Variants in REPS2 observed in about 807,000 individuals in gnomAD.
The protein encoded by REPS2 is RALBP1 associated Eps domain containing 2.
REPS2 carries 23 observed loss-of-function variants against 53.6 expected under a neutral mutation model. The observed-to-expected ratio is 0.43, with a 90% CI of 0.31 to 0.61. REPS2 has a LOEUF of 0.61. Ranked by LOEUF, REPS2 falls within the 20% of genes least tolerant of loss-of-function variation. The pLI is 0.11. For missense variants in REPS2, 446 were observed against 534.9 expected (o/e 0.83, Z 1.64); for synonymous variants, 238 against 218.6 (o/e 1.09, Z -0.78).
At position 17,062,463 on chromosome X, in the gene REPS2, T is replaced by C; in HGVS notation, c.1140T>C (p.Cys380=). The change falls in exon 9 of 18, where the codon TGT becomes TGC. Residue 380 remains cysteine (C), a synonymous_variant. Transcript: ENST00000357277. ...CTTTTCCTAAGCCCAAATGGGACTG[T>C]CAATTATTTGATTCTTATTCTGAGT... ...QAAFPKPKWD[C]QLFDSYSESL... The C allele has an allele frequency of 1.7e-6, 2 of 1,204,014 alleles. No individual in the cohort carries two copies. The highest frequency in any genetic ancestry group is 3.0e-5 in the East Asian group (1 of 33,660).
intron 9 of REPS2, among the ~76,000 whole-genome samples, chrX:17,063,592 A>G (rs766503298): frequency 1.1e-4 from 12 of 112,308 alleles, no homozygotes; most frequent in African/African-American, 3.9e-4. Context: ...CTCATGGGAA[A>G]AAGACATAAA....
chrX:17,099,810 T>C (rs2062760683), intron 13 of REPS2: 1 of 567,865 alleles, frequency 1.8e-6, no homozygotes, highest in African/African-American at 2.2e-5. Flanking sequence ...GGGGTAGGAA[T>C]GCCACGTCAG....
At chrX:16,999,368 A>ATTTTTTTTT (rs1162932789) in intron 1 of REPS2, among the ~76,000 whole-genome samples, 1 of 62,745 alleles carries the variant, frequency 1.6e-5, no homozygotes, top group Non-Finnish European at 3.0e-5. Flanking sequence ...GATGTTCCTG[A>ATTTTTTTTT]TTTTTTTTTT....
intron 1 of REPS2, among the ~76,000 whole-genome samples, chrX:16,966,234 A>G (rs931989299): frequency 8.9e-6 from 1 of 112,396 alleles, no homozygotes; most frequent in Admixed American, 9.4e-5. Context: ...TTTAATTGTA[A>G]TGAGTAAATA....
At chrX:17,107,313 G>A (rs1310665315) in intron 14 of REPS2, among the ~76,000 whole-genome samples, 1 of 112,150 alleles carries the variant, frequency 8.9e-6, no homozygotes, top group African/African-American at 3.2e-5. Context: ...TTTCAGACCA[G>A]CTTGTGTTGA....
intron 1 of REPS2, among the ~76,000 whole-genome samples, chrX:16,976,464 A>T (rs2060956316): frequency 1.8e-5 from 2 of 111,209 alleles, no homozygotes; most frequent in Non-Finnish European, 3.8e-5. Context: ...CCAATTGGAT[A>T]TAGTCACTCA....
chrX:16,947,170 G>A (rs1181022681), intron 1 of REPS2, 36 bp downstream of exon 1: 1 of 1,004,482 alleles, frequency 1.0e-6, no homozygotes, highest in Non-Finnish European at 1.3e-6. Flanking sequence ...GCGGGTCTGT[G>A]GGGCAGTGTG....
the REPS2 span, among the ~76,000 whole-genome samples, chrX:17,190,461 TAAAC>T: frequency 1.8e-5 from 2 of 111,945 alleles, no homozygotes; most frequent in Non-Finnish European, 3.8e-5. Context: ...ACTGAAGAAA[TAAAC>T]CAAGGAAGGT....
intron 2 of REPS2, among the ~76,000 whole-genome samples, chrX:17,013,909 A>G (rs1271001919): frequency 9.0e-6 from 1 of 110,717 alleles, no homozygotes; most frequent in Non-Finnish European, 1.9e-5. Context: ...TGTGTTTTCT[A>G]GGGGTCTGTC....
intron 13 of REPS2, among the ~76,000 whole-genome samples, chrX:17,083,519 G>A (rs1305045074): frequency 8.9e-6 from 1 of 111,848 alleles, no homozygotes; most frequent in Non-Finnish European, 1.9e-5. Context: ...CATGGTAAGG[G>A]CTCTGTCTTA....
Position 17,029,560 on chromosome X carries a change from C to G in REPS2, c.708C>G (p.Pro236=), listed in dbSNP as rs138758958. Residue 236 remains proline (P), a synonymous_variant, in exon 5 of 18, where the codon CCC becomes CCG. Transcript: ENST00000357277. ...AAGCTAGGCAGCCCCTTGTCCAGCC[C>G]GAGGGATCCTCATCAGGGGGCCCAG... is the stretch of plus-strand genomic sequence containing the variant. ...PYEARQPLVQ[P]EGSSSGGPGT... 4.1e-6 allele frequency: 5 copies of G among 1,209,202 alleles called. No individual in the cohort carries two copies. Among genetic ancestry groups the G allele is most frequent in the Non-Finnish European group, 4.5e-6 (4 of 894,420 alleles).
At chrX:16,990,345 C>T (rs777082796) in intron 1 of REPS2, among the ~76,000 whole-genome samples, 5 of 111,468 alleles carry the variant, frequency 4.5e-5, no homozygotes, top group Admixed American at 9.5e-5. Flanking sequence ...CGTGGTGGCT[C>T]ACGCCTGTAA....
the REPS2 span, among the ~76,000 whole-genome samples, chrX:17,191,829 A>G: frequency 8.9e-6 from 1 of 112,453 alleles, no homozygotes; most frequent in African/African-American, 3.2e-5. Context: ...AAGGTAAAAC[A>G]ACAGATCAGC....
At chrX:17,109,315 G>A (rs889695811) in intron 14 of REPS2, among the ~76,000 whole-genome samples, 2 of 111,480 alleles carry the variant, frequency 1.8e-5, no homozygotes, top group Admixed American at 1.9e-4. Context: ...TTGGCATGGG[G>A]TGCTGAGGTC....
At chrX:16,955,621 A>G (rs1401187079) in intron 1 of REPS2, among the ~76,000 whole-genome samples, 1 of 111,961 alleles carries the variant, frequency 8.9e-6, no homozygotes, top group Non-Finnish European at 1.9e-5. Context: ...TTCCCTCCAC[A>G]TGGCCTTCTC....
the REPS2 span, among the ~76,000 whole-genome samples, chrX:17,182,073 A>G: frequency 3.6e-5 from 4 of 111,905 alleles, no homozygotes; most frequent in South Asian, 1.5e-3. Flanking sequence ...ATTTATGATT[A>G]GTAATAATAG....
chrX:17,079,625 C>T (rs955343400), intron 13 of REPS2, among the ~76,000 whole-genome samples: 7 of 112,045 alleles, frequency 6.2e-5, no homozygotes, highest in African/African-American at 2.3e-4. Flanking sequence ...AATGCCCTGA[C>T]GATCTCCCTT....
the REPS2 span, among the ~76,000 whole-genome samples, chrX:17,189,576 C>G: frequency 9.0e-6 from 1 of 111,210 alleles, no homozygotes; most frequent in African/African-American, 3.3e-5. Flanking sequence ...CATGAGCCAC[C>G]GCACCCAGTG....
rs755385566 is a variant in REPS2 at position 16,975,251 on chromosome X, C to G, written c.273+28117C>G. ...ATACCCAGTAATGGGGTTGCTGGGTCGAATGGTATTTCCGTTTTTAGGTCT... is the reference window on the plus strand; with the variant it reads ...ATACCCAGTAATGGGGTTGCTGGGTGGAATGGTATTTCCGTTTTTAGGTCT... On this transcript the variant is annotated intron_variant, in intron 1 of 17. Transcript: ENST00000357277. 1.6e-4 allele frequency among the ~76,000 whole-genome samples: 18 copies of G among 111,930 alleles called. No homozygotes were observed. In the Admixed American group the frequency reaches 1.7e-3, roughly 11 times the overall value.
Sources: gnomAD v4.1 joint callset for allele counts (sites outside exome capture counted in the v4.1 genomes callset) on GRCh38, gnomAD v4.1.1 for gene constraint, MANE v1.5 for transcripts, NCBI Gene and HGNC (gene_info 2026-07-23, HGNC 2026-07-21) for gene names.